Variants in NELL1 observed in about 807,000 individuals in gnomAD.
The protein encoded by NELL1 is protein kinase C-binding protein NELL1.
Under a neutral mutation model 107.4 loss-of-function variants are expected in NELL1, and 76 were observed. The observed-to-expected ratio is 0.71, with a 90% confidence interval of 0.59 to 0.86. NELL1 has a LOEUF of 0.86. Among genes scored for constraint, NELL1 ranks in the 40% least tolerant of loss-of-function variants. The pLI is 0.00. For missense variants in NELL1, 1,024 were observed against 1,005.5 expected (o/e 1.02, Z -0.25); for synonymous variants, 353 against 341.2 (o/e 1.03, Z -0.38).
chr11:21,083,673 T>C (rs1854320549), intron 12 of NELL1, among the ~76,000 whole-genome samples: 1 of 152,098 alleles, frequency 6.6e-6, no homozygotes, highest in Non-Finnish European at 1.5e-5. Flanking sequence ...TGTATCTTAG[T>C]TTAGAGTATG....
chr11:20,747,606 C>A (rs190231022), intron 2 of NELL1, among the ~76,000 whole-genome samples: 1 of 152,154 alleles, frequency 6.6e-6, no homozygotes, highest in Non-Finnish European at 1.5e-5. Context: ...AAAGCAGAAC[C>A]CTTATCACCT....
intron 4 of NELL1, among the ~76,000 whole-genome samples, chr11:20,852,615 T>A (rs1370565543): frequency 6.6e-6 from 1 of 152,194 alleles, no homozygotes; most frequent in Admixed American, 6.5e-5. Flanking sequence ...ATATCTGCTG[T>A]AGTATGCGGA....
chr11:20,913,007 T>C (rs1028231723), intron 5 of NELL1, among the ~76,000 whole-genome samples: 4 of 152,128 alleles, frequency 2.6e-5, no homozygotes, highest in African/African-American at 9.7e-5. Flanking sequence ...CAGTTTTTAT[T>C]GATCATAATG....
At chr11:21,036,405 A>G (rs969043277) in intron 12 of NELL1, among the ~76,000 whole-genome samples, 1 of 152,212 alleles carries the variant, frequency 6.6e-6, no homozygotes, top group African/African-American at 2.4e-5. Context: ...TATGGAACCA[A>G]AAAACAGCCA....
chr11:21,091,643 A>T (rs1274875171), intron 12 of NELL1, among the ~76,000 whole-genome samples: 1 of 152,106 alleles, frequency 6.6e-6, no homozygotes, highest in African/African-American at 2.4e-5. Flanking sequence ...CTATCCATCC[A>T]TTCATCCAAT....
chr11:20,982,418 T>G (rs1851768178), intron 12 of NELL1, among the ~76,000 whole-genome samples: 1 of 152,180 alleles, frequency 6.6e-6, no homozygotes, highest in African/African-American at 2.4e-5. Flanking sequence ...TGAGAATGAT[T>G]ATGTGGAGCA....
chr11:20,816,297 CGTTT>C (rs1361840557), intron 3 of NELL1, among the ~76,000 whole-genome samples: 1 of 152,014 alleles, frequency 6.6e-6, no homozygotes, highest in Non-Finnish European at 1.5e-5. Flanking sequence ...AATGTTTTTC[CGTTT>C]GTTTGTGTCA....
At chr11:20,901,154 T>A (rs1110609) in intron 5 of NELL1, among the ~76,000 whole-genome samples, 87,458 of 151,866 alleles carry the variant, frequency 0.58, 30,129 homozygotes, top group Non-Finnish European at 0.78. Context: ...GATTATAATT[T>A]AAAAAGTAGT....
intron 13 of NELL1, among the ~76,000 whole-genome samples, chr11:21,140,852 A>G (rs572709288): frequency 2.9e-4 from 44 of 152,294 alleles, no homozygotes; most frequent in Middle Eastern, 6.8e-3. Context: ...ACTTGCTCCA[A>G]GGTTATGAAG....
At chr11:20,961,104 T>A (rs571016878) in intron 12 of NELL1, among the ~76,000 whole-genome samples, 1 of 152,286 alleles carries the variant, frequency 6.6e-6, no homozygotes, top group African/African-American at 2.4e-5. Flanking sequence ...CTTTGGCACA[T>A]GGGCTGATGC....
chr11:21,170,068 C>A, intron 13 of NELL1: 2 of 1,070,674 alleles, frequency 1.9e-6, no homozygotes, highest in Non-Finnish European at 1.4e-6. Context: ...AACCCAGCCT[C>A]TTGGAGTCCA....
intron 15 of NELL1, among the ~76,000 whole-genome samples, chr11:21,381,023 A>T (rs897307109): frequency 5.3e-5 from 8 of 152,142 alleles, no homozygotes; most frequent in African/African-American, 1.9e-4. Context: ...ATATGAGGAC[A>T]TGTATAAGTG....
At chr11:20,708,028 C>T (rs1046334593) in intron 2 of NELL1, among the ~76,000 whole-genome samples, 3 of 152,234 alleles carry the variant, frequency 2.0e-5, no homozygotes, top group Admixed American at 6.5e-5. Flanking sequence ...TGTTTACCTA[C>T]TTAAGCCTCA....
chr11:21,118,087 A>G (rs1219896936), intron 13 of NELL1, among the ~76,000 whole-genome samples: 1 of 152,074 alleles, frequency 6.6e-6, no homozygotes, highest in African/African-American at 2.4e-5. Context: ...TTCATAAGCT[A>G]TGTAGGTATT....
chr11:21,012,720 G>A (rs956636503), intron 12 of NELL1, among the ~76,000 whole-genome samples: 1 of 152,070 alleles, frequency 6.6e-6, no homozygotes, highest in Non-Finnish European at 1.5e-5. Context: ...GTTGGGTCAG[G>A]GATGAAATCA....
In NELL1 at chr11:21,229,378, C is replaced by T. The variant is rs762139947; in HGVS notation, c.1473C>T (p.Ala491=). ...GCCAGCACAACTGTGATGAGAATGC[C>T]ATCTGCACCAACACTGTCCAGGGAC... ...GSGQHNCDEN[A]ICTNTVQGHS... is the part of the protein sequence containing the mutation. The change falls in exon 14 of 20, where the codon GCC becomes GCT. Residue 491 remains alanine (A), a synonymous_variant. Coordinates refer to ENST00000357134, the MANE Select transcript of NELL1 (RefSeq NM_006157.5). 3.1e-6 allele frequency: 5 copies of T among 1,613,972 alleles called. No individual in the cohort carries two copies. Among genetic ancestry groups the T allele is most frequent in the Non-Finnish European group, 3.4e-6 (4 of 1,179,930 alleles).
At chr11:21,313,340 A>G (rs550779663) in intron 14 of NELL1, among the ~76,000 whole-genome samples, 1 of 152,208 alleles carries the variant, frequency 6.6e-6, no homozygotes, top group South Asian at 2.1e-4. Flanking sequence ...TTGACATGGG[A>G]TAATTCTCAA....
At chr11:20,742,370 A>G (rs1215537075) in intron 2 of NELL1, among the ~76,000 whole-genome samples, 2 of 152,212 alleles carry the variant, frequency 1.3e-5, no homozygotes, top group Admixed American at 1.3e-4. Flanking sequence ...AGCAGAAATT[A>G]TAATGCCTTT....
intron 1 of NELL1, among the ~76,000 whole-genome samples, chr11:20,672,171 T>G (rs1853929941): frequency 6.6e-6 from 1 of 152,246 alleles, no homozygotes; most frequent in Non-Finnish European, 1.5e-5. Flanking sequence ...GCGGTAGCTT[T>G]CTGGAGGCAG....
Sources: allele counts gnomAD v4.1 joint callset (sites outside exome capture counted in the v4.1 genomes callset), GRCh38; gene constraint gnomAD v4.1.1; transcripts MANE v1.5; gene names NCBI Gene and HGNC (gene_info 2026-07-23, HGNC 2026-07-21).